NTM: variants seen among roughly 807,000 people sequenced by gnomAD.
The protein encoded by NTM is IgLON family member 2.
NTM carries 13 observed loss-of-function variants against 42.1 expected under a neutral mutation model. The observed-to-expected ratio is 0.31, with a 90% CI of 0.20 to 0.49. NTM has a LOEUF of 0.49. Among genes scored for constraint, NTM ranks in the 20% least tolerant of loss-of-function variants. NTM has a pLI of 0.99. For missense variants in NTM, 373 were observed against 452.8 expected (o/e 0.82, Z 1.60); for synonymous variants, 187 against 179.2 (o/e 1.04, Z -0.35).
chr11:131,544,234 A>T (rs569575290), intron 1 of NTM, among the ~76,000 whole-genome samples: 1 of 152,270 alleles, frequency 6.6e-6, no homozygotes, highest in Non-Finnish European at 1.5e-5. Flanking sequence ...TTTAAAAAAT[A>T]TTTTTTCCAA....
At chr11:132,311,331 A>T (rs531825371) in intron 6 of NTM, among the ~76,000 whole-genome samples, 1 of 152,290 alleles carries the variant, frequency 6.6e-6, no homozygotes, top group Non-Finnish European at 1.5e-5. Context: ...CCAAATGAAA[A>T]GCAGTGTTTT....
rs374936647 is a variant in NTM at position 132,046,001 on chromosome 11, A to G, written c.168-100281A>G. 1.2e-4 allele frequency among the ~76,000 whole-genome samples: 19 copies of G among 152,308 alleles called. No homozygotes were observed. In the East Asian group the frequency reaches 3.3e-3, roughly 26 times the overall value. Reference sequence around the variant, plus strand: ...GAGTTGCTTATATAAAGACTCCAAAATGGAATTTTATCTGTGCATTTCTGT... The same window carrying G: ...GAGTTGCTTATATAAAGACTCCAAAGTGGAATTTTATCTGTGCATTTCTGT... On this transcript the variant is annotated intron_variant, in intron 2 of 8. Coordinates refer to ENST00000683400, the MANE Select transcript of NTM (RefSeq NM_001352005.2).
At chr11:131,473,814 T>A (rs1274907591) in intron 1 of NTM, among the ~76,000 whole-genome samples, 1 of 152,150 alleles carries the variant, frequency 6.6e-6, no homozygotes, top group Non-Finnish European at 1.5e-5. Flanking sequence ...GAGGTAGCCC[T>A]CTCCCTGCTA....
At chr11:132,223,107 C>T (rs1459923794) in intron 4 of NTM, among the ~76,000 whole-genome samples, 4 of 152,170 alleles carry the variant, frequency 2.6e-5, no homozygotes, top group Non-Finnish European at 5.9e-5. Flanking sequence ...CCCAGGAAAA[C>T]CTTTTGGTAA....
At chr11:132,060,386 G>T (rs2080457886) in intron 2 of NTM, among the ~76,000 whole-genome samples, 1 of 152,176 alleles carries the variant, frequency 6.6e-6, no homozygotes, top group African/African-American at 2.4e-5. Flanking sequence ...AAGCAAGTCT[G>T]CCCTAGAGTA....
At chr11:131,918,991 C>G (rs1431058995) in intron 2 of NTM, among the ~76,000 whole-genome samples, 2 of 152,156 alleles carry the variant, frequency 1.3e-5, no homozygotes, top group Non-Finnish European at 2.9e-5. Flanking sequence ...CCACGTACTT[C>G]TCTGGAATGC....
chr11:132,199,976 C>T (rs1201796898), intron 3 of NTM, among the ~76,000 whole-genome samples: 1 of 152,056 alleles, frequency 6.6e-6, no homozygotes, highest in Non-Finnish European at 1.5e-5. Flanking sequence ...CTCTCTTTCC[C>T]CAACTGCACT....
At chr11:132,203,524 A>C (rs2081472130) in intron 3 of NTM, among the ~76,000 whole-genome samples, 2 of 152,154 alleles carry the variant, frequency 1.3e-5, no homozygotes, top group African/African-American at 4.8e-5. Flanking sequence ...TTTTTATCAA[A>C]AGAGACCTTA....
intron 1 of NTM, among the ~76,000 whole-genome samples, chr11:131,446,094 T>G (rs1950035338): frequency 6.6e-6 from 1 of 152,154 alleles, no homozygotes; most frequent in South Asian, 2.1e-4. Flanking sequence ...ACTTAAGACA[T>G]CACACGTCTT....
chr11:131,371,014 C>A, intron 1 of NTM, 126 bp downstream of exon 1: 1 of 1,502,758 alleles, frequency 6.7e-7, no homozygotes, highest in Non-Finnish European at 8.8e-7. Flanking sequence ...AGCGTTTAGA[C>A]AGCATGGCTG....
intron 1 of NTM, among the ~76,000 whole-genome samples, chr11:131,465,969 C>T (rs560903358): frequency 9.5e-4 from 144 of 152,328 alleles, no homozygotes; most frequent in African/African-American, 2.6e-3. Context: ...GCCCTTTGAG[C>T]GCCCCTTCAG....
chr11:132,208,214 A>T (rs1012942457), intron 3 of NTM, among the ~76,000 whole-genome samples: 2 of 152,204 alleles, frequency 1.3e-5, no homozygotes, highest in Non-Finnish European at 1.5e-5. Context: ...CTTAGCTAAA[A>T]CCACAGTGCA....
rs533001236 is a variant in NTM, at chr11:131,506,954, ATTG to A, written c.82+136069_82+136071del. Among the ~76,000 whole-genome samples, 154 of 152,284 alleles carry A rather than the reference ATTG, an allele frequency of 1.0e-3. 1 individual carries two copies. Among genetic ancestry groups the A allele is most frequent in the African/African-American group, 3.4e-3 (141 of 41,568 alleles). Reference sequence around the variant, plus strand: ...GGAGTTAAACTTGATGCCCCAGGGTATTGTTCCCAAAGACAGATATTTACATAG... The same window carrying A: ...GGAGTTAAACTTGATGCCCCAGGGTATTCCCAAAGACAGATATTTACATAG... On this transcript the variant is annotated intron_variant, in intron 1 of 8. Transcript: ENST00000683400.
chr11:132,255,591 G>T (rs184651639), intron 4 of NTM, among the ~76,000 whole-genome samples: 1 of 152,298 alleles, frequency 6.6e-6, no homozygotes, highest in East Asian at 1.9e-4. Flanking sequence ...GTCAGAGAAG[G>T]GGGTGCGGAG....
In NTM at chr11:131,998,224, C is replaced by T. The variant is rs142817091; in HGVS notation, c.167+86576C>T. Among the ~76,000 whole-genome samples, 386 of 152,244 alleles carry T rather than the reference C, an allele frequency of 2.5e-3. 4 individuals are homozygous for T. Among genetic ancestry groups the T allele is most frequent in the African/African-American group, 8.8e-3 (365 of 41,542 alleles). ...ACCCTTGGAGTATATTTTAAGGGCC[C>T]CTGAGTTTTCATTTTGCTGCTTTTA... is the stretch of plus-strand genomic sequence containing the variant. On this transcript the variant is annotated intron_variant, in intron 2 of 8. Transcript: ENST00000683400.
chr11:131,787,451 C>T (rs2089452875), intron 1 of NTM, among the ~76,000 whole-genome samples: 1 of 151,436 alleles, frequency 6.6e-6, no homozygotes, highest in Non-Finnish European at 1.5e-5. Flanking sequence ...ATGAGCTCGG[C>T]TCTCTGCAGC....
At chr11:132,000,158 C>T (rs566118852) in intron 2 of NTM, among the ~76,000 whole-genome samples, 10 of 152,298 alleles carry the variant, frequency 6.6e-5, no homozygotes, top group African/African-American at 1.7e-4. Context: ...AAGGCTTCTA[C>T]TGCACACACT....
At chr11:131,578,483 GT>G (rs1371952664) in intron 1 of NTM, among the ~76,000 whole-genome samples, 1 of 152,136 alleles carries the variant, frequency 6.6e-6, no homozygotes, top group East Asian at 1.9e-4. Context: ...AGTGGGGTGG[GT>G]CAGAGTGGGT....
chr11:131,668,952 A>T (rs1165919762), intron 1 of NTM, among the ~76,000 whole-genome samples: 1 of 152,166 alleles, frequency 6.6e-6, no homozygotes, highest in East Asian at 1.9e-4. Context: ...GTCCTTGGGG[A>T]GACTTGTTCC....
Sources: allele counts gnomAD v4.1 joint callset (sites outside exome capture counted in the v4.1 genomes callset), GRCh38; gene constraint gnomAD v4.1.1; transcripts MANE v1.5; gene names NCBI Gene and HGNC (gene_info 2026-07-23, HGNC 2026-07-21).